The following BEST3 variants were observed in gnomAD, a reference collection of about 807,000 sequenced individuals.
BEST3 encodes the protein bestrophin 3, also known as bestrophin-3.
Under a neutral mutation model 47.1 loss-of-function variants are expected in BEST3, and 50 were observed. The ratio of observed to expected loss-of-function variants is 1.06; its 90% CI spans 0.85 to 1.34. The LOEUF (loss-of-function observed/expected upper bound fraction) is 1.34, where lower values mean the gene tolerates loss of function less well. Among genes scored for constraint, BEST3 ranks in the 40% most tolerant of loss-of-function variants. BEST3 has a pLI of 0.00. For missense variants in BEST3, 765 were observed against 817.0 expected, an observed-to-expected ratio of 0.94 and a Z score of 0.78; for synonymous variants, 282 against 298.8, an observed-to-expected ratio of 0.94 and a Z score of 0.58.
chr12:69,698,130 G>A (rs372586061), intron 1 of BEST3, among the ~76,000 whole-genome samples: 9 of 152,134 alleles, frequency 5.9e-5, no homozygotes, highest in African/African-American at 1.2e-4. Context: ...CAAGGCCCTC[G>A]TGAGAATTTA....
chr12:69,666,565 C>T (rs1240354898), intron 9 of BEST3, among the ~76,000 whole-genome samples: 1 of 152,186 alleles, frequency 6.6e-6, no homozygotes, highest in Non-Finnish European at 1.5e-5. Flanking sequence ...ATTGACCATT[C>T]CTACTCTGAC....
In BEST3 at chr12:69,678,855, G is replaced by C. The variant is rs540664819; in HGVS notation, c.520C>G (p.Leu174Val). Residue 174 changes from leucine (L) to valine (V), a missense_variant, in exon 5 of 10, where the codon CTC (leucine) becomes GTC (valine). Physicochemically the swap from Leu to Val is conservative, Grantham distance 32. Transcript: ENST00000330891. ...TTDERKLFNH[L>V]KSPHLKYWVP... ...CAATATTTCAGATGAGGAGACTTGA[G>C]GTGGTTGAATAATTTCCTTTCATCT... 6.2e-7 allele frequency: 1 copy of C among 1,613,938 alleles called. No homozygotes were observed. The highest frequency in any genetic ancestry group is 8.5e-7 in the Non-Finnish European group (1 of 1,179,878).
intron 4 of BEST3, among the ~76,000 whole-genome samples, chr12:69,686,786 A>AAAAAAAAAAAAAAAAAAAAAAAAAAG (rs371159662): frequency 3.5e-5 from 5 of 143,282 alleles, no homozygotes; most frequent in Admixed American, 7.0e-5. Flanking sequence ...AAACAAAAAA[A>AAAAAAAAAAAAAAAAAAAAAAAAAAG]AAAGAAAGAA....
At chr12:69,649,435 T>G (rs1333209484), downstream of BEST3, among the ~76,000 whole-genome samples, 4 of 152,400 alleles carry the variant, frequency 2.6e-5, no homozygotes, top group African/African-American at 9.6e-5. Context: ...TTTTTCTGAA[T>G]TTGAGATATC....
chr12:69,697,852 T>A, intron 1 of BEST3, 39 bp from the exon 2 acceptor site: 1 of 1,526,728 alleles, frequency 6.5e-7, no homozygotes, highest in East Asian at 2.3e-5. Flanking sequence ...TAAAAAGCAA[T>A]GTTTAAAATA....
Position 69,654,077 on chromosome 12 carries a change from T to G in BEST3, c.*830A>C. ...ACTCCTATATGCCTTCCACTGGAAG[T>G]GAGACTGGAAGGGTATCAGGCTGGA... On this transcript the variant is annotated 3_prime_UTR_variant, in exon 10 of 10. Transcript: ENST00000330891. 1 of 985,370 alleles carries G rather than the reference T, an allele frequency of 1.0e-6. No homozygotes were observed. The allele number at this position is 985,370 out of a possible 1,614,324, so 61.0% of individuals were successfully genotyped here. A position where few individuals can be genotyped will look rare whatever the true frequency, so the allele number is the denominator to read the frequency against.
At chr12:69,670,230 A>G (rs1020974201) in intron 9 of BEST3, 6 of 510,070 alleles carry the variant, frequency 1.2e-5, no homozygotes, top group East Asian at 3.1e-5. Context: ...ATTCCTATCC[A>G]TGGAAACTGA....
At position 69,653,667 on chromosome 12, in the gene BEST3, A is replaced by G. The variant is rs1431354981; in HGVS notation, c.*1240T>C. The G allele has an allele frequency of 2.0e-6, 2 of 985,330 alleles. No homozygotes were observed. The highest frequency in any genetic ancestry group is 3.5e-5 in the African/African-American group (2 of 57,224). The allele number at this position is 985,330 out of a possible 1,614,324, so 61.0% of individuals were successfully genotyped here. Reference sequence around the variant, plus strand: ...ATGTAGTCAAGTGCCATCATATGACAAATGGTAAGTGCAGCAGTCGTAAGG... The same window carrying G: ...ATGTAGTCAAGTGCCATCATATGACGAATGGTAAGTGCAGCAGTCGTAAGG... On this transcript the variant is annotated 3_prime_UTR_variant, in exon 10 of 10. Transcript: ENST00000330891.
intron 9 of BEST3, among the ~76,000 whole-genome samples, chr12:69,658,531 C>T (rs1883655265): frequency 6.6e-6 from 1 of 152,206 alleles, no homozygotes; most frequent in Non-Finnish European, 1.5e-5. Context: ...TGAGGTTTAT[C>T]TGTTTATTCA....
Position 69,693,696 on chromosome 12 carries a change from T to C in BEST3, c.459A>G (p.Thr153=). 6.2e-7 allele frequency: 1 copy of C among 1,611,864 alleles called. No individual in the cohort carries two copies. The highest frequency in any genetic ancestry group is 8.5e-7 in the Non-Finnish European group (1 of 1,178,156). The part of the protein sequence containing the change: ...VSTAVYKRFP[T]MDHVVEAGFM... ...TACCTGCTTCAACCACGTGGTCCAT[T>C]GTGGGAAATCTTTTGTACACAGCAG... The change falls in exon 4 of 10, where the codon ACA becomes ACG. Residue 153 remains threonine (T), a synonymous_variant. Coordinates refer to ENST00000330891, the MANE Select transcript of BEST3 (RefSeq NM_032735.3).
chr12:69,659,049 AC>A (rs2135923591), intron 9 of BEST3, among the ~76,000 whole-genome samples: 1 of 152,130 alleles, frequency 6.6e-6, no homozygotes, highest in Non-Finnish European at 1.5e-5. Flanking sequence ...TGACTTGAAA[AC>A]TTTTCACTCC....
Position 69,671,490 on chromosome 12 carries a change from T to C in BEST3, c.1038A>G (p.Pro346=), listed in dbSNP as rs1372891333. Residue 346 remains proline (P), a synonymous_variant, in exon 9 of 10, where the codon CCA becomes CCG. Coordinates refer to ENST00000330891, the MANE Select transcript of BEST3 (RefSeq NM_032735.3). Reference sequence around the variant, plus strand: ...AGTAGTCAGCAGCTGCCAATGTGTATGGTGGGCGAGCAGCAGAATCGTCCC... The same window carrying C: ...AGTAGTCAGCAGCTGCCAATGTGTACGGTGGGCGAGCAGCAGAATCGTCCC... ...IYWDDSAARP[P]YTLAAADYCI... is the part of the protein sequence containing the mutation. The C allele has an allele frequency of 1.2e-6, 2 of 1,614,000 alleles. No individual in the cohort carries two copies. Among genetic ancestry groups the C allele is most frequent in the Non-Finnish European group, 1.7e-6 (2 of 1,179,976 alleles).
At chr12:69,693,263 CT>C (rs61067334) in intron 4 of BEST3, among the ~76,000 whole-genome samples, 48,371 of 113,364 alleles carry the variant, frequency 0.43, 7,084 homozygotes, top group South Asian at 0.61. Context: ...TTTCTTTTTT[CT>C]TTTTTTTTTT....
chr12:69,649,352 A>G (rs1222480200), downstream of BEST3, among the ~76,000 whole-genome samples: 1 of 152,254 alleles, frequency 6.6e-6, no homozygotes, highest in Non-Finnish European at 1.5e-5. Flanking sequence ...CATGCCAGCA[A>G]TGGCATTTAG....
chr12:69,676,842 A>G, intron 7 of BEST3, 74 bp downstream of exon 7: 1 of 1,459,160 alleles, frequency 6.9e-7, no homozygotes, highest in South Asian at 1.2e-5. Context: ...TTTGCTAAAG[A>G]CTCAGTAAAG....
intron 1 of BEST3, among the ~76,000 whole-genome samples, chr12:69,698,322 A>G (rs1008226542): frequency 2.0e-5 from 3 of 152,194 alleles, no homozygotes; most frequent in Admixed American, 6.5e-5. Context: ...GATGGTTCAC[A>G]TTCTCTTTGG....
rs760987595 is a variant in BEST3 at position 69,694,132 on chromosome 12, G to C, written c.248-225C>G. The C allele has an allele frequency of 5.3e-6, 3 of 568,944 alleles. No homozygotes were observed. The South Asian group carries it at 7.4e-5, about 14-fold the overall frequency. The allele number at this position is 568,944 out of a possible 1,614,324, so 35.2% of individuals were successfully genotyped here. A position where few individuals can be genotyped will look rare whatever the true frequency, so the allele number is the denominator to read the frequency against. On this transcript the variant is annotated intron_variant, in intron 3 of 9. Coordinates refer to ENST00000330891, the MANE Select transcript of BEST3 (RefSeq NM_032735.3). ...ATCTCAAATATTGACTGCAAAAATGGAGAGTTAGTGAAGAGAAAGCTTAAA... is the reference window on the plus strand; with the variant it reads ...ATCTCAAATATTGACTGCAAAAATGCAGAGTTAGTGAAGAGAAAGCTTAAA...
At position 69,654,177 on chromosome 12, in the gene BEST3, A is replaced by G. The variant is rs1393837606; in HGVS notation, c.*730T>C. 1 of 985,182 alleles carries G rather than the reference A, an allele frequency of 1.0e-6. No homozygotes were observed. Among genetic ancestry groups the G allele is most frequent in the Non-Finnish European group, 1.2e-6 (1 of 829,796 alleles). The allele number at this position is 985,182 out of a possible 1,614,324, so 61.0% of individuals were successfully genotyped here. ...ATTTTGAAATTCATGGCAAGACATA[A>G]GCAACAGATTTGGCAAGAGGAAATA... is the stretch of plus-strand genomic sequence containing the variant. On this transcript the variant is annotated 3_prime_UTR_variant, in exon 10 of 10. Transcript: ENST00000330891.
chr12:69,654,765 C>T lies in BEST3; in HGVS notation c.*142G>A. 1 of 1,380,554 alleles carries T rather than the reference C, an allele frequency of 7.2e-7. No individual in the cohort carries two copies. The highest frequency in any genetic ancestry group is 2.1e-5 in the South Asian group (1 of 48,296). 85.5% of individuals were successfully genotyped at this position (1,380,554 alleles called of 1,614,324 possible). On this transcript the variant is annotated 3_prime_UTR_variant, in exon 10 of 10. Transcript: ENST00000330891. ...CTCAAAAAGTCAGGATCATAATGCC[C>T]TTCAAAGTTCTAAGTAGCTTATACA... is the stretch of plus-strand genomic sequence containing the variant.
Sources: gnomAD v4.1 joint callset for allele counts (sites outside exome capture counted in the v4.1 genomes callset) on GRCh38, gnomAD v4.1.1 for gene constraint, MANE v1.5 for transcripts, NCBI Gene and HGNC (gene_info 2026-07-23, HGNC 2026-07-21) for gene names.